The following CES3 variants were observed in gnomAD, a reference collection of about 807,000 sequenced individuals.
CES3 encodes carboxylesterase 3 (brain).
A neutral mutation model predicts 57.6 loss-of-function variants in CES3; 49 were observed. The observed-to-expected ratio is 0.85, with a 90% CI of 0.68 to 1.08. The LOEUF is 1.08. Ranked by LOEUF, CES3 falls within the 50% of genes least tolerant of loss-of-function variation. CES3 has a pLI of 0.00. For missense variants in CES3, 645 were observed against 742.0 expected (o/e 0.87, Z 1.52); for synonymous variants, 266 against 281.6 (o/e 0.94, Z 0.55).
intron 8 of CES3, among the ~76,000 whole-genome samples, chr16:66,967,066 T>A (rs1443113611): frequency 1.3e-5 from 2 of 149,822 alleles, no homozygotes; most frequent in Non-Finnish European, 2.9e-5. Flanking sequence ...TTTGCTTTTT[T>A]TTTTCTGTTT....
At chr16:66,968,945 T>C (rs368109656) in intron 8 of CES3, among the ~76,000 whole-genome samples, 24 of 152,080 alleles carry the variant, frequency 1.6e-4, no homozygotes, top group African/African-American at 5.3e-4. Flanking sequence ...AGTTTTCAGG[T>C]CAATGCCCTC....
intron 8 of CES3, 40 bp from the exon 9 acceptor site, chr16:66,969,639 G>A: frequency 6.3e-7 from 1 of 1,589,642 alleles, no homozygotes; most frequent in Non-Finnish European, 8.6e-7. Context: ...GGGTGAGCCG[G>A]TGGTCAGGCT....
At position 66,970,190 on chromosome 16, in the gene CES3, C is replaced by T. The variant is rs544138528; in HGVS notation, c.1143+431C>T. On this transcript the variant is annotated intron_variant, in intron 9 of 12. Transcript: ENST00000303334. Reference sequence around the variant, plus strand: ...GTGGCCCGATCTCGGCTCACCGCAACATCCACCTCCCTCATTCAAGCGATT... The same window carrying T: ...GTGGCCCGATCTCGGCTCACCGCAATATCCACCTCCCTCATTCAAGCGATT... 5.3e-5 allele frequency among the ~76,000 whole-genome samples: 8 copies of T among 150,556 alleles called. No individual in the cohort carries two copies. The East Asian group carries it at 1.2e-3, about 22-fold the overall frequency.
chr16:66,963,802 G>T lies in CES3; in HGVS notation c.427G>T (p.Val143Phe), dbSNP rs2145530490. 2 of 1,612,704 alleles carry T rather than the reference G, an allele frequency of 1.2e-6. No homozygotes were observed. Among genetic ancestry groups the T allele is most frequent in the Non-Finnish European group, 1.7e-6 (2 of 1,178,778 alleles). The stretch of plus-strand genomic sequence containing the variant: ...CAGTGCCCCATGGCCACCTCTGCAG[G>T]TCATGGTATGGGTCCATGGAGGCGC... ...AEVPAGSGRP[V>F]MVWVHGGALI... Residue 143 changes from valine (V) to phenylalanine (F), a missense_variant and splice_region_variant, in exon 4 of 13, where the codon GTC becomes TTC. By Grantham distance (50) the Val-to-Phe change is conservative (BLOSUM62 -1). Coordinates refer to ENST00000303334, the MANE Select transcript of CES3 (RefSeq NM_024922.6). The surrounding 1 kb of genome is among the most constrained non-coding windows in gnomAD (Gnocchi z 4.9).
rs778131714 is a variant in CES3, at chr16:66,969,745, G to C, written c.1129G>C (p.Val377Leu). Residue 377 changes from valine to leucine, a missense_variant, in exon 9 of 13, where the codon GTC (valine) becomes CTC (leucine). Coordinates refer to ENST00000303334, the MANE Select transcript of CES3 (RefSeq NM_024922.6). ...GGACATGCTGGCCATCTCAACACCC[G>C]TCTTGACCAGTCTGGTGAGACAAGA... Reference protein sequence around the residue: ...REDMLAISTPVLTSLDVPPEM... With the variant: ...REDMLAISTPLLTSLDVPPEM... 1 of 1,612,272 alleles carries C rather than the reference G, an allele frequency of 6.2e-7. No homozygotes were observed.
At chr16:66,971,517 A>C (rs971884935) in intron 10 of CES3, among the ~76,000 whole-genome samples, 198 bp downstream of exon 10, 7 of 152,220 alleles carry the variant, frequency 4.6e-5, no homozygotes, top group African/African-American at 1.7e-4. Flanking sequence ...GAAACTATGC[A>C]GAGGAGAAAA....
chr16:66,974,211 C>T lies in CES3; in HGVS notation c.*1162C>T, dbSNP rs1174108431. 6 of 152,924 alleles carry T rather than the reference C, an allele frequency of 3.9e-5. No homozygotes were observed. Among genetic ancestry groups the T allele is most frequent in the African/African-American group, 1.4e-4 (6 of 41,476 alleles). The allele number at this position is 152,924 out of a possible 1,614,324, so 9.5% of individuals were successfully genotyped here. On this transcript the variant is annotated 3_prime_UTR_variant, in exon 13 of 13. Coordinates refer to ENST00000303334, the MANE Select transcript of CES3 (RefSeq NM_024922.6). ...AGGAGCCCTTCAACCCGCCGCTGCA[C>T]TGTAGGAGCCCCTTTCTGGGCTGGC...
At position 66,964,339 on chromosome 16, in the gene CES3, C is replaced by T; in HGVS notation, c.561-18C>T. Reference sequence around the variant, plus strand: ...AGGAGCCAGGCTGAACTAACCGTTGCCCCAACACTGCCCCCAGCACTGGAG... The same window carrying T: ...AGGAGCCAGGCTGAACTAACCGTTGTCCCAACACTGCCCCCAGCACTGGAG... On this transcript the variant is annotated intron_variant, in intron 4 of 12. Transcript: ENST00000303334. 1 of 1,612,006 alleles carries T rather than the reference C, an allele frequency of 6.2e-7. No homozygotes were observed.
At chr16:66,965,526 T>C (rs557921352) in intron 6 of CES3, among the ~76,000 whole-genome samples, 12 of 152,288 alleles carry the variant, frequency 7.9e-5, no homozygotes, top group Admixed American at 7.2e-4. Context: ...TTTTAACCAC[T>C]GTGTACAAGA....
intron 11 of CES3, 39 bp from the exon 12 acceptor site, chr16:66,972,629 C>T: frequency 6.2e-7 from 1 of 1,613,772 alleles, no homozygotes; most frequent in Non-Finnish European, 8.5e-7. Context: ...CCAGGTCCCA[C>T]CTGACTCTCG....
chr16:66,964,077 C>T (rs1360096598), intron 4 of CES3, 142 bp downstream of exon 4: 2 of 1,300,392 alleles, frequency 1.5e-6, no homozygotes, highest in Admixed American at 4.8e-5. Flanking sequence ...AGGGCACCCC[C>T]CAAGCCTCCA....
chr16:66,971,320 G>A lies in CES3; in HGVS notation c.1291+1G>A. 1.2e-6 allele frequency: 2 copies of A among 1,612,418 alleles called. No homozygotes were observed. Among genetic ancestry groups the A allele is most frequent in the Admixed American group, 1.7e-5 (1 of 59,906 alleles). On this transcript the variant is annotated splice_donor_variant, in intron 10 of 12. Transcript: ENST00000303334. LOFTEE classifies it high-confidence loss of function. ...GTCAGTTTTTCAAGATACCTTCGAG[G>A]TAAGCCTGTCCCTGGCCACCTGCCC...
chr16:66,963,942 C>T lies in CES3; in HGVS notation c.560+7C>T, dbSNP rs376810207. The T allele has an allele frequency of 4.6e-5, 74 of 1,611,294 alleles. 1 individual carries two copies. The highest frequency in any genetic ancestry group is 1.1e-4 in the South Asian group (10 of 91,030). ...GGGTCCTTGGCTTCTTCAGGTGAGA[C>T]GACAGGCATGGCCAGAGCACTGCCT... On this transcript the variant is annotated splice_region_variant and intron_variant, in intron 4 of 12. Coordinates refer to ENST00000303334, the MANE Select transcript of CES3 (RefSeq NM_024922.6). This position sits in a 1 kb window ranked among gnomAD's most constrained non-coding sequence, Gnocchi z 4.9.
Position 66,972,764 on chromosome 16 carries a change from C to A in CES3, c.1520+18C>A. On this transcript the variant is annotated intron_variant, in intron 12 of 12. Coordinates refer to ENST00000303334, the MANE Select transcript of CES3 (RefSeq NM_024922.6). ...CGGACAGGGTGAGTGAGTGACAGGG[C>A]ATAGCTCGCTTTGGGCCTGGGATGC... 1.2e-6 allele frequency: 2 copies of A among 1,614,178 alleles called. No homozygotes were observed. The highest frequency in any genetic ancestry group is 1.6e-4 in the Middle Eastern group (1 of 6,062).
At chr16:66,965,866 G>T (rs1398709589) in intron 6 of CES3, among the ~76,000 whole-genome samples, 1 of 152,142 alleles carries the variant, frequency 6.6e-6, no homozygotes, top group African/African-American at 2.4e-5. Flanking sequence ...TGTGAACCCG[G>T]GACGCAGAGC....
intron 8 of CES3, among the ~76,000 whole-genome samples, chr16:66,968,683 G>A (rs902427985): frequency 2.0e-5 from 3 of 152,088 alleles, no homozygotes; most frequent in African/African-American, 7.2e-5. Context: ...GGAGGCTGAG[G>A]TGAGTGGGTC....
At chr16:66,970,168 G>A (rs575185133) in intron 9 of CES3, among the ~76,000 whole-genome samples, 1 of 150,124 alleles carries the variant, frequency 6.7e-6, no homozygotes, top group African/African-American at 2.5e-5. Flanking sequence ...GAGTGCAGTG[G>A]CCCGATCTCG....
In CES3 at chr16:66,963,827, C is replaced by G. The variant is rs1963690160; in HGVS notation, c.452C>G (p.Ala151Gly). ...RPVMVWVHGGALITGAATSYD... is the reference protein window; with the variant it reads ...RPVMVWVHGGGLITGAATSYD... Reference sequence around the variant, plus strand: ...GTCATGGTATGGGTCCATGGAGGCGCTCTGATAACTGGCGCTGCCACCTCC... The same window carrying G: ...GTCATGGTATGGGTCCATGGAGGCGGTCTGATAACTGGCGCTGCCACCTCC... Residue 151 changes from alanine to glycine, a missense_variant, in exon 4 of 13, where the codon GCT becomes GGT. Physicochemically the swap from Ala to Gly is moderately conservative, Grantham distance 60. Coordinates refer to ENST00000303334, the MANE Select transcript of CES3 (RefSeq NM_024922.6). The surrounding 1 kb of genome is among the most constrained non-coding windows in gnomAD (Gnocchi z 4.9). 1 of 1,614,166 alleles carries G rather than the reference C, an allele frequency of 6.2e-7. No homozygotes were observed. The highest frequency in any genetic ancestry group is 8.5e-7 in the Non-Finnish European group (1 of 1,179,986).
Position 66,973,687 on chromosome 16 carries a change from G to C in CES3, c.*638G>C, listed in dbSNP as rs181363967. The C allele has an allele frequency of 1.3e-5, 2 of 153,814 alleles. No homozygotes were observed. The highest frequency in any genetic ancestry group is 3.9e-4 in the East Asian group (2 of 5,184). The allele number at this position is 153,814 out of a possible 1,614,324, so 9.5% of individuals were successfully genotyped here. ...GAGACCTGGGATGGGAGAAGTCCTG[G>C]GGCGCCAGGGGATCCAGCCTAGAGC... On this transcript the variant is annotated 3_prime_UTR_variant, in exon 13 of 13. Transcript: ENST00000303334.
Sources: gnomAD v4.1 joint callset for allele counts (sites outside exome capture counted in the v4.1 genomes callset) on GRCh38, gnomAD v4.1.1 for gene constraint, Gnocchi (gnomAD v3.1) non-coding constraint, MANE v1.5 for transcripts, NCBI Gene and HGNC (gene_info 2026-07-23, HGNC 2026-07-21) for gene names.